PTPRN2: variants seen among roughly 807,000 people sequenced by gnomAD.
The protein encoded by PTPRN2 is protein tyrosine phosphatase receptor type N2.
PTPRN2 carries 74 observed loss-of-function variants against 118.8 expected under a neutral mutation model. The ratio of observed to expected loss-of-function variants is 0.62; its 90% CI spans 0.52 to 0.76. The LOEUF (loss-of-function observed/expected upper bound fraction) is 0.76, where lower values mean the gene tolerates loss of function less well. PTPRN2 is among the 30% of genes least tolerant of loss of function. PTPRN2 has a pLI of 0.00. For synonymous variants in PTPRN2, 641 were observed against 608.0 expected (o/e 1.05, Z -0.80); for missense variants, 1,481 against 1,394.4 (o/e 1.06, Z -0.99).
intron 1 of PTPRN2, among the ~76,000 whole-genome samples, chr7:158,545,312 G>A (rs558127528): frequency 5.3e-5 from 8 of 152,216 alleles, no homozygotes; most frequent in South Asian, 2.1e-4. Flanking sequence ...AAATGAGAAC[G>A]TCACACATGC....
At chr7:158,044,800 C>G (rs1808722420) in intron 11 of PTPRN2, among the ~76,000 whole-genome samples, 1 of 152,168 alleles carries the variant, frequency 6.6e-6, no homozygotes, top group African/African-American at 2.4e-5. Flanking sequence ...GCACCATAGG[C>G]CGACAGGTGC....
chr7:157,747,498 C>T (rs1301706041), intron 12 of PTPRN2, among the ~76,000 whole-genome samples: 23 of 82,618 alleles, frequency 2.8e-4, no homozygotes, highest in South Asian at 1.0e-3. Context: ...GGCCTGCGTC[C>T]CTGAGCTGTG....
rs566723932 is a variant in PTPRN2 at position 157,561,868 on chromosome 7, C to G, written c.2902+7034G>C. ...TTCTCTGTTTTGCTCTCACAACCCA[C>G]GCCTGGCAGGCAGCAGGTGCCAAAC... On this transcript the variant is annotated intron_variant, in intron 21 of 22. Transcript: ENST00000389418. Among the ~76,000 whole-genome samples the G allele has an allele frequency of 1.8e-4, 28 of 152,370 alleles. No homozygotes were observed. The South Asian group carries it at 5.8e-3, about 32-fold the overall frequency.
chr7:158,071,129 G>GTA (rs1811423088), intron 11 of PTPRN2, among the ~76,000 whole-genome samples: 1 of 70,308 alleles, frequency 1.4e-5, no homozygotes. Flanking sequence ...GCCCGTGGTG[G>GTA]TGGAGGTGCT....
intron 1 of PTPRN2, among the ~76,000 whole-genome samples, chr7:158,586,383 G>A (rs945136756): frequency 6.6e-6 from 1 of 152,216 alleles, no homozygotes; most frequent in Non-Finnish European, 1.5e-5. Flanking sequence ...CCTAGAGGCC[G>A]AGAGGAAGGT....
At chr7:158,239,942 T>C (rs7778866) in intron 3 of PTPRN2, among the ~76,000 whole-genome samples, 94,281 of 151,924 alleles carry the variant, frequency 0.62, 29,504 homozygotes, top group African/African-American at 0.66. Flanking sequence ...GTGCGGGCAA[T>C]ACACAGACTA....
In PTPRN2 at chr7:157,539,800, C is replaced by G. The variant is rs538181659; in HGVS notation, c.*914G>C. The G allele has an allele frequency of 6.6e-6, 1 of 152,280 alleles. No homozygotes were observed. The highest frequency in any genetic ancestry group is 6.5e-5 in the Admixed American group (1 of 15,280). The allele number at this position is 152,280 out of a possible 1,614,324, so 9.4% of individuals were successfully genotyped here. A position where few individuals can be genotyped will look rare whatever the true frequency, so the allele number is the denominator to read the frequency against. ...TCCCCTCTCTGGGGCCCCACAGGTCCGGGACGTGCCTGGAGGAGCCAGCGG... is the reference window on the plus strand; with the variant it reads ...TCCCCTCTCTGGGGCCCCACAGGTCGGGGACGTGCCTGGAGGAGCCAGCGG... On this transcript the variant is annotated 3_prime_UTR_variant, in exon 23 of 23. Coordinates refer to ENST00000389418, the MANE Select transcript of PTPRN2 (RefSeq NM_002847.5).
intron 3 of PTPRN2, among the ~76,000 whole-genome samples, chr7:158,239,920 G>A (rs1038085010): frequency 3.9e-5 from 6 of 152,192 alleles, no homozygotes; most frequent in South Asian, 2.1e-4. Context: ...TAGATGACAC[G>A]TTGAGGGTGT....
At chr7:157,548,890 G>A (rs771207577) in intron 22 of PTPRN2, 56 bp downstream of exon 22, 12 of 1,528,036 alleles carry the variant, frequency 7.9e-6, no homozygotes, top group Admixed American at 1.7e-5. Flanking sequence ...TCAGGAACAC[G>A]GCCGCAGAGA....
chr7:158,114,637 A>T (rs1816575167), intron 9 of PTPRN2, among the ~76,000 whole-genome samples: 1 of 152,206 alleles, frequency 6.6e-6, no homozygotes, highest in Non-Finnish European at 1.5e-5. Flanking sequence ...CTAATCTGGC[A>T]GGAACAACGG....
intron 2 of PTPRN2, among the ~76,000 whole-genome samples, chr7:158,458,001 A>T (rs116830704): frequency 0.02 from 3,036 of 152,316 alleles, 89 homozygotes; most frequent in South Asian, 0.067. Flanking sequence ...ATTGGGAGTG[A>T]GAAGACGTGG....
At position 158,015,751 on chromosome 7, in the gene PTPRN2, ATGTC is replaced by A. The variant is rs1409137568; in HGVS notation, c.1723+65543_1723+65546del. Among the ~76,000 whole-genome samples the A allele has an allele frequency of 6.6e-6, 1 of 152,260 alleles. No individual in the cohort carries two copies. Among genetic ancestry groups the A allele is most frequent in the Non-Finnish European group, 1.5e-5 (1 of 68,048 alleles). On this transcript the variant is annotated intron_variant, in intron 11 of 22. Transcript: ENST00000389418. The surrounding 1 kb of genome is among the most constrained non-coding windows in gnomAD (Gnocchi z 4.2). ...TAGGAGTTCAAAACAAATCACAAAC[ATGTC>A]TGTCTATTACAATTGTCTAATGGTC... is the stretch of plus-strand genomic sequence containing the variant.
rs925578621 is a variant in PTPRN2 at position 158,526,707 on chromosome 7, T to C, written c.113-36922A>G. On this transcript the variant is annotated intron_variant, in intron 1 of 22. Coordinates refer to ENST00000389418, the MANE Select transcript of PTPRN2 (RefSeq NM_002847.5). This position sits in a 1 kb window ranked among gnomAD's most constrained non-coding sequence, Gnocchi z 5.2. ...CCCGGATCCAGGCTGACTGGGTCCTTATGGAGGAGGAGGTGAGGACACAGA... is the reference window on the plus strand; with the variant it reads ...CCCGGATCCAGGCTGACTGGGTCCTCATGGAGGAGGAGGTGAGGACACAGA... Among the ~76,000 whole-genome samples, 2 of 151,816 alleles carry C rather than the reference T, an allele frequency of 1.3e-5. No homozygotes were observed. Among genetic ancestry groups the C allele is most frequent in the Non-Finnish European group, 2.9e-5 (2 of 67,972 alleles).
intron 13 of PTPRN2, among the ~76,000 whole-genome samples, chr7:157,660,777 C>T (rs959709563): frequency 1.3e-5 from 2 of 152,142 alleles, no homozygotes; most frequent in East Asian, 3.9e-4. Context: ...TATTATGAGA[C>T]AGAGTCTCGC....
At chr7:158,321,506 T>A (rs1803014419) in intron 2 of PTPRN2, among the ~76,000 whole-genome samples, 1 of 152,220 alleles carries the variant, frequency 6.6e-6, no homozygotes, top group African/African-American at 2.4e-5. Context: ...CTGCGGGCCA[T>A]GCTGAGCTCC....
At position 157,997,268 on chromosome 7, in the gene PTPRN2, G is replaced by A. The variant is rs145580962; in HGVS notation, c.1723+84030C>T. 5.2e-3 allele frequency among the ~76,000 whole-genome samples: 788 copies of A among 152,362 alleles called. 7 individuals are homozygous for A. The highest frequency in any genetic ancestry group is 0.016 in the African/African-American group (668 of 41,586). On this transcript the variant is annotated intron_variant, in intron 11 of 22. Transcript: ENST00000389418. ...GCAACTGCGCCCCTGGGCCCGCCTG[G>A]CCTGGGCTCCCACTGAGGTCACAGC...
intron 1 of PTPRN2, among the ~76,000 whole-genome samples, chr7:158,560,945 C>T (rs1237934243): frequency 2.0e-5 from 3 of 152,168 alleles, no homozygotes; most frequent in Non-Finnish European, 2.9e-5. Flanking sequence ...GACTGGGCAT[C>T]GGTTGATTAA....
chr7:157,602,448 T>C (rs754220557), intron 16 of PTPRN2, among the ~76,000 whole-genome samples: 9 of 145,724 alleles, frequency 6.2e-5, no homozygotes, highest in Non-Finnish European at 9.0e-5. Context: ...CAGTGGCCGC[T>C]GAGACCAGCA....
intron 4 of PTPRN2, among the ~76,000 whole-genome samples, chr7:158,203,595 C>T (rs1244729881): frequency 7.3e-6 from 1 of 136,248 alleles, no homozygotes; most frequent in Non-Finnish European, 1.5e-5. Context: ...CCCTGTTCTG[C>T]ACCCCCCCAG....
Sources: allele counts gnomAD v4.1 joint callset (sites outside exome capture counted in the v4.1 genomes callset), GRCh38; gene constraint gnomAD v4.1.1; non-coding constraint Gnocchi (gnomAD v3.1); transcripts MANE v1.5; gene names NCBI Gene and HGNC (gene_info 2026-07-23, HGNC 2026-07-21).